The following AKR1C4 variants were observed in gnomAD, a reference collection of about 807,000 sequenced individuals.
AKR1C4 encodes aldo-keto reductase family 1 member C4.
A neutral mutation model predicts 41.0 loss-of-function variants in AKR1C4; 44 were observed. The ratio of observed to expected loss-of-function variants is 1.07; its 90% CI spans 0.84 to 1.38. The LOEUF (loss-of-function observed/expected upper bound fraction) is 1.38, where lower values mean the gene tolerates loss of function less well. Among genes scored for constraint, AKR1C4 ranks in the 40% most tolerant of loss-of-function variants. The pLI, the probability that AKR1C4 is intolerant of heterozygous loss-of-function variation, is 0.00. For missense variants in AKR1C4, 438 were observed against 387.9 expected (o/e 1.13, Z -1.09); for synonymous variants, 165 against 137.7 (o/e 1.20, Z -1.39).
At chr10:5,205,365 A>G (rs1238623348) in intron 3 of AKR1C4, among the ~76,000 whole-genome samples, 1 of 152,252 alleles carries the variant, frequency 6.6e-6, no homozygotes, top group Non-Finnish European at 1.5e-5. Context: ...TGGACTATCA[A>G]GTCTTCAGGG....
chr10:5,217,010 GCTCTCCTGA>G (rs1441020098), intron 8 of AKR1C4, among the ~76,000 whole-genome samples: 1 of 152,190 alleles, frequency 6.6e-6, no homozygotes, highest in Non-Finnish European at 1.5e-5. Context: ...CTGTGCCTCT[GCTCTCCTGA>G]CTCCATGGAA....
At chr10:5,209,440 AATTACT>A (rs1273197982) in intron 5 of AKR1C4, among the ~76,000 whole-genome samples, 1 of 152,012 alleles carries the variant, frequency 6.6e-6, no homozygotes, top group Admixed American at 6.5e-5. Context: ...GAAAAGAAAC[AATTACT>A]GCTCTCAGAT....
chr10:5,218,896 T>A lies in AKR1C4; in HGVS notation c.*136T>A. The stretch of plus-strand genomic sequence containing the variant: ...CTCCTGCTTGGCAACTTCAGCTAGC[T>A]AGATATATCCATGGTCCAGAAAGCA... On this transcript the variant is annotated 3_prime_UTR_variant, in exon 9 of 9. Coordinates refer to ENST00000263126, the MANE Select transcript of AKR1C4 (RefSeq NM_001818.5). 1.5e-6 allele frequency: 1 copy of A among 659,434 alleles called. No individual in the cohort carries two copies. Among genetic ancestry groups the A allele is most frequent in the Non-Finnish European group, 2.6e-6 (1 of 381,192 alleles). 40.8% of individuals were successfully genotyped at this position (659,434 alleles called of 1,614,324 possible). A position where few individuals can be genotyped will look rare whatever the true frequency, so the allele number is the denominator to read the frequency against.
At chr10:5,206,021 A>G (rs1588339086) in intron 4 of AKR1C4, among the ~76,000 whole-genome samples, 187 bp downstream of exon 4, 2 of 152,284 alleles carry the variant, frequency 1.3e-5, no homozygotes, top group Middle Eastern at 6.8e-3. Flanking sequence ...AATGAAGGAG[A>G]TAAACTGGGG....
intron 5 of AKR1C4, among the ~76,000 whole-genome samples, chr10:5,209,932 C>A (rs1832545767): frequency 6.6e-6 from 1 of 152,192 alleles, no homozygotes; most frequent in South Asian, 2.1e-4. Context: ...TCCCAATAGT[C>A]TTCCAAAGTC....
Position 5,204,438 on chromosome 10 carries a change from A to C in AKR1C4, c.314A>C (p.Lys105Thr), listed in dbSNP as rs371830854. Reference protein sequence around the residue: ...VQPALESSLKKLQLDYVDLYL... With the variant: ...VQPALESSLKTLQLDYVDLYL... ...CCAGCCTTGGAAAGCTCACTGAAAAAACTTCAACTGGACTATGTTGACCTC... is the reference window on the plus strand; with the variant it reads ...CCAGCCTTGGAAAGCTCACTGAAAACACTTCAACTGGACTATGTTGACCTC... The change falls in exon 3 of 9, where the codon AAA (lysine) becomes ACA (threonine). Residue 105 changes from lysine to threonine, a missense_variant. Coordinates refer to ENST00000263126, the MANE Select transcript of AKR1C4 (RefSeq NM_001818.5). 2 of 1,613,894 alleles carry C rather than the reference A, an allele frequency of 1.2e-6. No individual in the cohort carries two copies. Among genetic ancestry groups the C allele is most frequent in the African/African-American group, 2.7e-5 (2 of 74,906 alleles).
intron 5 of AKR1C4, among the ~76,000 whole-genome samples, 159 bp from the exon 6 acceptor site, chr10:5,212,457 T>G (rs112024739): frequency 1.5e-4 from 23 of 152,354 alleles, no homozygotes; most frequent in African/African-American, 5.0e-4. Context: ...TATATACTTT[T>G]AGACCAGTAA....
rs201417672 is a variant in AKR1C4, at chr10:5,208,075, G to A, written c.570+1678G>A. Reference sequence around the variant, plus strand: ...TAAAACTTTAAAGAGTGAAAAAAAGGAAAGTTAACTATTTATGGAGATAAC... The same window carrying A: ...TAAAACTTTAAAGAGTGAAAAAAAGAAAAGTTAACTATTTATGGAGATAAC... On this transcript the variant is annotated intron_variant, in intron 5 of 8. Coordinates refer to ENST00000263126, the MANE Select transcript of AKR1C4 (RefSeq NM_001818.5). Among the ~76,000 whole-genome samples, 3 of 11,166 alleles carry A rather than the reference G, an allele frequency of 2.7e-4. No individual in the cohort carries two copies. The South Asian group carries it at 0.06, about 223-fold the overall frequency. 7.3% of individuals were successfully genotyped at this position (11,166 alleles called of 152,430 possible). A position where few individuals can be genotyped will look rare whatever the true frequency, so the allele number is the denominator to read the frequency against.
chr10:5,204,609 C>T, intron 3 of AKR1C4, 116 bp downstream of exon 3: 1 of 860,716 alleles, frequency 1.2e-6, no homozygotes, highest in Non-Finnish European at 2.0e-6. Context: ...CAGAAGAGTC[C>T]TAAGTATAAT....
intron 7 of AKR1C4, among the ~76,000 whole-genome samples, chr10:5,215,849 T>C (rs1311563062): frequency 6.6e-6 from 1 of 152,196 alleles, no homozygotes. Context: ...TATCTTCCCA[T>C]TTTCTTCTGA....
Position 5,204,414 on chromosome 10 carries a change from C to A in AKR1C4, c.290C>A (p.Pro97Gln). The change falls in exon 3 of 9, where the codon CCA becomes CAA. Residue 97 changes from proline to glutamine, a missense_variant. Coordinates refer to ENST00000263126, the MANE Select transcript of AKR1C4 (RefSeq NM_001818.5). ...TTCTTTCAACCACAGATGGTCCAAC[C>A]AGCCTTGGAAAGCTCACTGAAAAAA... Reference protein sequence around the residue: ...CTFFQPQMVQPALESSLKKLQ... With the variant: ...CTFFQPQMVQQALESSLKKLQ... The A allele has an allele frequency of 6.2e-7, 1 of 1,613,914 alleles. No individual in the cohort carries two copies. The highest frequency in any genetic ancestry group is 8.5e-7 in the Non-Finnish European group (1 of 1,179,880).
At chr10:5,214,191 CCTA>C (rs1246659700) in intron 7 of AKR1C4, among the ~76,000 whole-genome samples, 7 of 151,978 alleles carry the variant, frequency 4.6e-5, no homozygotes, top group African/African-American at 1.7e-4. Context: ...ACTAAAATGT[CCTA>C]CTAAGAATTA....
At chr10:5,214,890 G>GTA (rs1223139746) in intron 7 of AKR1C4, among the ~76,000 whole-genome samples, 1 of 152,056 alleles carries the variant, frequency 6.6e-6, no homozygotes, top group Non-Finnish European at 1.5e-5. Context: ...TTTCCAATTT[G>GTA]TATACTGAGA....
At position 5,196,890 on chromosome 10, in the gene AKR1C4, T is replaced by G. The variant is rs1554796364; in HGVS notation, c.23T>G (p.Val8Gly). 2.5e-6 allele frequency: 4 copies of G among 1,614,018 alleles called. No individual in the cohort carries two copies. The African/African-American group carries it at 4.0e-5, about 16-fold the overall frequency. Residue 8 changes from valine (V) to glycine (G), a missense_variant, in exon 1 of 9, where the codon GTA becomes GGA. Transcript: ENST00000263126. ...GCAATGGATCCCAAATATCAGCGTG[T>G]AGAGCTAAATGATGGTCACTTCATG... MDPKYQRVELNDGHFMPV... is the reference protein window; with the variant it reads MDPKYQRGELNDGHFMPV...
At chr10:5,210,934 T>G (rs570268341) in intron 5 of AKR1C4, among the ~76,000 whole-genome samples, 1 of 152,334 alleles carries the variant, frequency 6.6e-6, no homozygotes, top group East Asian at 1.9e-4. Context: ...TTAACTTCTG[T>G]GCACACATAG....
rs978447137 is a variant in AKR1C4 at position 5,200,266 on chromosome 10, A to T, written c.170A>T (p.Asn57Ile). The stretch of plus-strand genomic sequence containing the variant: ...ATTGATTCTGCTTATTTATACAATA[A>T]TGAGGAGCAGGTTGGACTGGCCATC... ...RHIDSAYLYN[N>I]EEQVGLAIRS... Residue 57 changes from asparagine to isoleucine, a missense_variant, in exon 2 of 9, where the codon AAT (asparagine) becomes ATT (isoleucine). By Grantham distance (149) the Asn-to-Ile change is moderately radical. Transcript: ENST00000263126. 14 of 1,614,216 alleles carry T rather than the reference A, an allele frequency of 8.7e-6. No individual in the cohort carries two copies. Among genetic ancestry groups the T allele is most frequent in the Non-Finnish European group, 1.2e-5 (14 of 1,179,998 alleles).
At chr10:5,208,857 G>A (rs1832527849) in intron 5 of AKR1C4, among the ~76,000 whole-genome samples, 1 of 149,344 alleles carries the variant, frequency 6.7e-6, no homozygotes, top group African/African-American at 2.5e-5. Flanking sequence ...TCTAAGGAGA[G>A]AATTATAAAA....
At chr10:5,200,122 T>G in intron 1 of AKR1C4, 59 bp from the exon 2 acceptor site, 1 of 1,562,278 alleles carries the variant, frequency 6.4e-7, no homozygotes, top group South Asian at 1.2e-5. Flanking sequence ...GAACTTTTCC[T>G]GTTTCACTAC....
At position 5,205,134 on chromosome 10, in the gene AKR1C4, C is replaced by T. The variant is rs964159876; in HGVS notation, c.370-623C>T. 1.1e-4 allele frequency among the ~76,000 whole-genome samples: 16 copies of T among 151,570 alleles called. No individual in the cohort carries two copies. In the South Asian group the frequency reaches 3.1e-3, roughly 30 times the overall value. ...GCCATGAATACATTTCAAGATTTGA[C>T]GTAGACTCTAAAAATGTGACCTTTC... On this transcript the variant is annotated intron_variant, in intron 3 of 8. Coordinates refer to ENST00000263126, the MANE Select transcript of AKR1C4 (RefSeq NM_001818.5).
Sources: gnomAD v4.1 joint callset for allele counts (sites outside exome capture counted in the v4.1 genomes callset) on GRCh38, gnomAD v4.1.1 for gene constraint, MANE v1.5 for transcripts, NCBI Gene and HGNC (gene_info 2026-07-23, HGNC 2026-07-21) for gene names.